PPEF2: variants seen among roughly 807,000 people sequenced by gnomAD.
The protein encoded by PPEF2 is protein phosphatase with EF-hand domain 2, also known as serine/threonine-protein phosphatase with EF-hands 2.
In PPEF2, 84 loss-of-function variants were observed where a neutral mutation model predicts 84.7. That is an observed-to-expected ratio of 0.99 (90% CI 0.83 to 1.19). The LOEUF (loss-of-function observed/expected upper bound fraction) is 1.19. Among genes scored for constraint, PPEF2 ranks in the 50% most tolerant of loss-of-function variants. The pLI is 0.00. For synonymous variants in PPEF2, 346 were observed against 345.2 expected, an observed-to-expected ratio of 1.00 and a Z score of -0.03; for missense variants, 924 against 937.5, an observed-to-expected ratio of 0.99 and a Z score of 0.19.
chr4:75,861,692 C>T (rs188178985), intron 16 of PPEF2, among the ~76,000 whole-genome samples: 2,037 of 135,762 alleles, frequency 0.015, 30 homozygotes, highest in Non-Finnish European at 0.023. Context: ...TCACTACAAG[C>T]TCTGCCTCCT....
intron 2 of PPEF2, among the ~76,000 whole-genome samples, chr4:75,893,311 A>G (rs1285216475): frequency 6.6e-6 from 1 of 152,152 alleles, no homozygotes; most frequent in East Asian, 1.9e-4. Flanking sequence ...CAGCCTGGCC[A>G]ATATGGTGAA....
At chr4:75,863,261 G>A (rs375927034) in intron 16 of PPEF2, among the ~76,000 whole-genome samples, 71 of 151,950 alleles carry the variant, frequency 4.7e-4, no homozygotes, top group African/African-American at 1.5e-3. Context: ...GGAGATCTAG[G>A]TGGGTGAATC....
chr4:75,888,199 C>T lies in PPEF2; in HGVS notation c.532+15G>A. 1 of 1,572,998 alleles carries T rather than the reference C, an allele frequency of 6.4e-7. No individual in the cohort carries two copies. Among genetic ancestry groups the T allele is most frequent in the East Asian group, 2.2e-5 (1 of 44,690 alleles). On this transcript the variant is annotated intron_variant, in intron 6 of 16. Transcript: ENST00000286719. ...TTGTGTGCAGCATGGAAAGCCGTTT[C>T]TGACCAGCTCTTACCACACACTGTG...
chr4:75,871,658 A>G (rs1724283647), intron 13 of PPEF2, among the ~76,000 whole-genome samples: 1 of 152,062 alleles, frequency 6.6e-6, no homozygotes, highest in African/African-American at 2.4e-5. Flanking sequence ...TTTTGTAGAG[A>G]TGGGGTTTTG....
intron 10 of PPEF2, chr4:75,882,671 A>G: frequency 3.0e-6 from 1 of 337,716 alleles, no homozygotes. Flanking sequence ...CTAAGTTTTT[A>G]ATTTTTTTAT....
chr4:75,867,075 T>A (rs1388822260), intron 14 of PPEF2, among the ~76,000 whole-genome samples: 3 of 152,172 alleles, frequency 2.0e-5, no homozygotes, highest in African/African-American at 7.2e-5. Context: ...TATCCTTCCC[T>A]GACTCTATTT....
At position 75,884,758 on chromosome 4, in the gene PPEF2, A is replaced by T; in HGVS notation, c.582T>A (p.Asn194Lys). ...LDDLIFIFYKNGLPSPERSYV... is the reference protein window; with the variant it reads ...LDDLIFIFYKKGLPSPERSYV... ...ATGACCGTTCTGGCGACGGGAGGCC[A>T]TTCTTTTCAACAAGGAGACCAGTGA... The change falls in exon 8 of 17, where the codon AAT becomes AAA. Residue 194 changes from asparagine (N) to lysine (K), a missense_variant and splice_region_variant. Asn to Lys is a moderately conservative substitution (Grantham distance 94). Transcript: ENST00000286719. 1 of 1,575,290 alleles carries T rather than the reference A, an allele frequency of 6.3e-7. No individual in the cohort carries two copies. Among genetic ancestry groups the T allele is most frequent in the South Asian group, 1.2e-5 (1 of 84,410 alleles).
chr4:75,865,169 T>G lies in PPEF2; in HGVS notation c.1921-642A>C, dbSNP rs182205054. ...TCAGGCTAGTCTCGAACTTCCGACC[T>G]CAGGTGATCTGCCCGCCTCGGTCTC... On this transcript the variant is annotated intron_variant, in intron 15 of 16. Transcript: ENST00000286719. 5.1e-3 allele frequency among the ~76,000 whole-genome samples: 777 copies of G among 152,256 alleles called. 7 individuals carry two copies. Among genetic ancestry groups the G allele is most frequent in the African/African-American group, 0.018 (746 of 41,548 alleles).
intron 1 of PPEF2, 22 bp from the exon 2 acceptor site, chr4:75,896,405 C>G (rs1725011582): frequency 6.8e-7 from 1 of 1,477,712 alleles, no homozygotes. Flanking sequence ...AAGAGAGAAT[C>G]TGTAATAGGA....
intron 2 of PPEF2, among the ~76,000 whole-genome samples, chr4:75,894,590 G>T (rs1724965041): frequency 6.6e-6 from 1 of 152,196 alleles, no homozygotes; most frequent in Non-Finnish European, 1.5e-5. Context: ...AGTCAGGCAG[G>T]CCCCAGGGGA....
chr4:75,879,350 C>T (rs11930088), intron 10 of PPEF2, among the ~76,000 whole-genome samples: 7,701 of 152,268 alleles, frequency 0.051, 531 homozygotes, highest in African/African-American at 0.16. Flanking sequence ...CTGCTTCCTA[C>T]TTTAACATGG....
At chr4:75,902,040 G>A (rs559019211) in intron 1 of PPEF2, among the ~76,000 whole-genome samples, 190 bp downstream of exon 1, 14 of 152,266 alleles carry the variant, frequency 9.2e-5, no homozygotes, top group African/African-American at 3.4e-4. Flanking sequence ...GGGCAGAATG[G>A]TCACCCAGCA....
intron 5 of PPEF2, among the ~76,000 whole-genome samples, chr4:75,889,741 A>G (rs770973103): frequency 2.6e-5 from 4 of 152,218 alleles, no homozygotes; most frequent in Non-Finnish European, 4.4e-5. Context: ...TGAATGAACA[A>G]TGAGAGATTA....
At chr4:75,900,374 T>A (rs1044350249) in intron 1 of PPEF2, among the ~76,000 whole-genome samples, 3 of 152,192 alleles carry the variant, frequency 2.0e-5, no homozygotes, top group Non-Finnish European at 4.4e-5. Flanking sequence ...AATAAACTAT[T>A]TAGAACAACC....
intron 10 of PPEF2, 131 bp from the exon 11 acceptor site, chr4:75,876,804 A>C: frequency 1.0e-6 from 1 of 966,420 alleles, no homozygotes; most frequent in Non-Finnish European, 1.4e-6. Context: ...CCGGGAGTTC[A>C]AGACCAGCTT....
intron 13 of PPEF2, among the ~76,000 whole-genome samples, chr4:75,871,202 G>A (rs1275951050): frequency 1.3e-5 from 2 of 152,066 alleles, no homozygotes; most frequent in East Asian, 1.9e-4. Context: ...TTACAGGCGT[G>A]AGCCACCGCG....
rs1212196359 is a variant in PPEF2, at chr4:75,866,208, T to A, written c.1901A>T (p.Lys634Met). 8.1e-6 allele frequency: 13 copies of A among 1,613,276 alleles called. No homozygotes were observed. Among genetic ancestry groups the A allele is most frequent in the Non-Finnish European group, 1.1e-5 (13 of 1,179,546 alleles). Residue 634 changes from lysine (K) to methionine (M), a missense_variant, in exon 15 of 17, where the codon AAG becomes ATG. By Grantham distance (95) the Lys-to-Met change is moderately conservative. Transcript: ENST00000286719. ...EYKSWLKNLA[K>M]EQLSRENIQS... Reference sequence around the variant, plus strand: ...CGTTACCTCGCGACTCAGTTGTTCCTTGGCCAAGTTCTTCAGCCAAGACTT... The same window carrying A: ...CGTTACCTCGCGACTCAGTTGTTCCATGGCCAAGTTCTTCAGCCAAGACTT...
At chr4:75,889,270 T>G (rs1371480561) in intron 5 of PPEF2, 1 of 152,426 alleles carries the variant, frequency 6.6e-6, no homozygotes, top group Admixed American at 6.5e-5. Flanking sequence ...GCTGTCTCCC[T>G]GTCTCTTTTG....
chr4:75,871,986 A>G (rs764105291), intron 13 of PPEF2, 39 bp downstream of exon 13: 5 of 1,536,796 alleles, frequency 3.3e-6, no homozygotes, highest in Non-Finnish European at 4.4e-6. Context: ...TGAACACTAT[A>G]ATTTTTTTTT....
Sources: gnomAD v4.1 joint callset for allele counts (sites outside exome capture counted in the v4.1 genomes callset) on GRCh38, gnomAD v4.1.1 for gene constraint, MANE v1.5 for transcripts, NCBI Gene and HGNC (gene_info 2026-07-23, HGNC 2026-07-21) for gene names.